Variants in KCNK13 observed in about 807,000 individuals in gnomAD.
KCNK13 encodes the protein potassium channel subfamily K member 13.
In KCNK13, 12 loss-of-function variants were observed where a neutral mutation model predicts 23.4. The observed-to-expected ratio is 0.51, with a 90% CI of 0.33 to 0.83. The LOEUF (loss-of-function observed/expected upper bound fraction) is 0.83, where lower values mean the gene tolerates loss of function less well. Among genes scored for constraint, KCNK13 ranks in the 40% least tolerant of loss-of-function variants. KCNK13 has a pLI of 0.02. For missense variants in KCNK13, 463 were observed against 556.3 expected (o/e 0.83, Z 1.69); for synonymous variants, 231 against 229.5 (o/e 1.01, Z -0.06).
At chr14:90,120,334 A>G (rs929697944) in intron 1 of KCNK13, among the ~76,000 whole-genome samples, 7 of 152,318 alleles carry the variant, frequency 4.6e-5, no homozygotes, top group African/African-American at 1.7e-4. Context: ...TCTCCCCACA[A>G]GAGTTTACTT....
At chr14:90,141,131 A>G (rs1008474813) in intron 1 of KCNK13, among the ~76,000 whole-genome samples, 2 of 152,280 alleles carry the variant, frequency 1.3e-5, no homozygotes, top group Admixed American at 1.3e-4. Context: ...TTCCTCCTCC[A>G]TTACTTGCCT....
chr14:90,148,785 C>T (rs1028747800), intron 1 of KCNK13, among the ~76,000 whole-genome samples: 2 of 152,194 alleles, frequency 1.3e-5, no homozygotes, highest in East Asian at 1.9e-4. Context: ...AAATCATATT[C>T]GCTCTGCTAA....
chr14:90,106,250 A>G (rs922357161), intron 1 of KCNK13, among the ~76,000 whole-genome samples: 8 of 152,184 alleles, frequency 5.3e-5, no homozygotes, highest in African/African-American at 1.9e-4. Context: ...CTACCATCTG[A>G]AATGTTTTGC....
chr14:90,073,253 T>C (rs1889096835), intron 1 of KCNK13, among the ~76,000 whole-genome samples: 1 of 152,150 alleles, frequency 6.6e-6, no homozygotes, highest in Non-Finnish European at 1.5e-5. Flanking sequence ...AGGCTGATGA[T>C]GTCTGTGCTA....
rs907858182 is a variant in KCNK13 at position 90,110,157 on chromosome 14, G to A, written c.334+47618G>A. Among the ~76,000 whole-genome samples the A allele has an allele frequency of 2.0e-5, 3 of 152,286 alleles. No homozygotes were observed. In the East Asian group the frequency reaches 5.8e-4, roughly 29 times the overall value. On this transcript the variant is annotated intron_variant, in intron 1 of 1. Transcript: ENST00000282146. ...TGCCCCTGTTGAGAACTGTCTTTAA[G>A]GAACCCAGAGGTGTGCTACTACAGC...
chr14:90,124,274 G>A (rs1178213223), intron 1 of KCNK13, among the ~76,000 whole-genome samples: 1 of 152,224 alleles, frequency 6.6e-6, no homozygotes, highest in Non-Finnish European at 1.5e-5. Flanking sequence ...TAGACACTGT[G>A]CTGATGGAAT....
chr14:90,175,032 C>A (rs1207311123), intron 1 of KCNK13, among the ~76,000 whole-genome samples: 1 of 152,122 alleles, frequency 6.6e-6, no homozygotes, highest in Non-Finnish European at 1.5e-5. Flanking sequence ...CTGAGATGTA[C>A]ATGACAGTGG....
At chr14:90,156,300 G>T (rs1210408164) in intron 1 of KCNK13, among the ~76,000 whole-genome samples, 1 of 151,984 alleles carries the variant, frequency 6.6e-6, no homozygotes, top group Non-Finnish European at 1.5e-5. Flanking sequence ...AGAGAGTGGA[G>T]AAGAGGCCCC....
intron 1 of KCNK13, among the ~76,000 whole-genome samples, chr14:90,090,901 C>T (rs1166166755): frequency 2.0e-5 from 3 of 152,194 alleles, no homozygotes; most frequent in Non-Finnish European, 2.9e-5. Context: ...GCCTTCCCAG[C>T]CATGTGGAAC....
intron 1 of KCNK13, among the ~76,000 whole-genome samples, chr14:90,122,265 GA>G (rs1470767384): frequency 1.3e-5 from 2 of 151,794 alleles, no homozygotes; most frequent in Non-Finnish European, 2.9e-5. Flanking sequence ...GTGAGTAACA[GA>G]AGTGAATTTT....
intron 1 of KCNK13, among the ~76,000 whole-genome samples, chr14:90,149,514 A>G (rs1006303944): frequency 3.3e-5 from 5 of 152,262 alleles, no homozygotes; most frequent in African/African-American, 1.2e-4. Flanking sequence ...TTATTAAACC[A>G]TCAGATCTCG....
intron 1 of KCNK13, among the ~76,000 whole-genome samples, chr14:90,166,903 A>G (rs1287362493): frequency 6.6e-6 from 1 of 152,040 alleles, no homozygotes; most frequent in Non-Finnish European, 1.5e-5. Context: ...GAAGGTCCTT[A>G]GACCTCATCT....
chr14:90,134,207 C>A (rs1596792777), intron 1 of KCNK13, among the ~76,000 whole-genome samples: 1 of 152,158 alleles, frequency 6.6e-6, no homozygotes, highest in African/African-American at 2.4e-5. Flanking sequence ...CAGAGTGAGA[C>A]CCCATCTCTA....
chr14:90,182,848 G>T (rs1669528953), intron 1 of KCNK13, among the ~76,000 whole-genome samples: 1 of 151,422 alleles, frequency 6.6e-6, no homozygotes, highest in Non-Finnish European at 1.5e-5. Flanking sequence ...AAAGAGAGAG[G>T]TTTGATGGTT....
chr14:90,096,861 T>A (rs1889416563), intron 1 of KCNK13, among the ~76,000 whole-genome samples: 3 of 152,182 alleles, frequency 2.0e-5, no homozygotes, highest in African/African-American at 7.2e-5. Flanking sequence ...CAGCCCTGAG[T>A]TTTTGTCCCC....
chr14:90,068,761 T>G (rs1197260637), intron 1 of KCNK13, among the ~76,000 whole-genome samples: 2 of 152,164 alleles, frequency 1.3e-5, no homozygotes, highest in Non-Finnish European at 2.9e-5. Context: ...TGTTTCTGAC[T>G]AGGACAAGCC....
chr14:90,128,562 A>G (rs375295136), intron 1 of KCNK13, among the ~76,000 whole-genome samples: 46 of 152,302 alleles, frequency 3.0e-4, no homozygotes, highest in African/African-American at 1.1e-3. Flanking sequence ...GCCAGCCCTC[A>G]GCACCTTACC....
chr14:90,062,194 G>T lies in KCNK13; in HGVS notation c.-12G>T. On this transcript the variant is annotated 5_prime_UTR_variant, in exon 1 of 2. Coordinates refer to ENST00000282146, the MANE Select transcript of KCNK13 (RefSeq NM_022054.4). This position sits in a 1 kb window ranked among gnomAD's most constrained non-coding sequence, Gnocchi z 4.5. Reference sequence around the variant, plus strand: ...TGCCGTGGGCCTGGGGGCTGCCCCCGGGGGCCCGGCCATGGCTGGCCGGGG... The same window carrying T: ...TGCCGTGGGCCTGGGGGCTGCCCCCTGGGGCCCGGCCATGGCTGGCCGGGG... 7.2e-7 allele frequency: 1 copy of T among 1,380,758 alleles called. No homozygotes were observed. The highest frequency in any genetic ancestry group is 9.3e-7 in the Non-Finnish European group (1 of 1,069,886). The allele number at this position is 1,380,758 out of a possible 1,614,324, so 85.5% of individuals were successfully genotyped here.
chr14:90,145,385 C>T (rs2140430460), intron 1 of KCNK13, among the ~76,000 whole-genome samples: 1 of 152,092 alleles, frequency 6.6e-6, no homozygotes, highest in South Asian at 2.1e-4. Flanking sequence ...AGAGCAAGAC[C>T]CTGTCTCAAA....
Sources: gnomAD v4.1 joint callset for allele counts (sites outside exome capture counted in the v4.1 genomes callset) on GRCh38, gnomAD v4.1.1 for gene constraint, Gnocchi (gnomAD v3.1) non-coding constraint, MANE v1.5 for transcripts, NCBI Gene and HGNC (gene_info 2026-07-23, HGNC 2026-07-21) for gene names.